Variants in EFCAB14 observed in about 807,000 individuals in gnomAD.
EFCAB14 encodes the protein EF-hand calcium-binding domain-containing protein 14.
A neutral mutation model predicts 56.5 loss-of-function variants in EFCAB14; 43 were observed. That is an observed-to-expected ratio of 0.76 (90% confidence interval 0.60 to 0.98). The LOEUF is 0.98. EFCAB14 is among the 50% of genes least tolerant of loss of function. EFCAB14 has a pLI of 0.00. For synonymous variants in EFCAB14, 235 were observed against 212.9 expected (o/e 1.10, Z -0.90); for missense variants, 538 against 580.3 (o/e 0.93, Z 0.75).
chr1:46,687,171 G>A (rs1221789784), intron 7 of EFCAB14, among the ~76,000 whole-genome samples: 1 of 152,132 alleles, frequency 6.6e-6, no homozygotes, highest in Non-Finnish European at 1.5e-5. Flanking sequence ...AGAAACAGTA[G>A]GACAGATGGA....
Position 46,688,525 on chromosome 1 carries a change from T to A in EFCAB14, c.815A>T (p.Asn272Ile). ...GGCACTGTTTACCTCCTCTAAAGAG[T>A]TGTGAAGGTACAGGATATCCTAGAG... ...NLKQDILYLH[N>I]SLEEVNSALV... is the part of the protein sequence containing the mutation. Residue 272 changes from asparagine (N) to isoleucine (I), a missense_variant, in exon 7 of 11, where the codon AAC (asparagine) becomes ATC (isoleucine). Physicochemically the swap from Asn to Ile is moderately radical, Grantham distance 149. Transcript: ENST00000371933. 1 of 1,613,238 alleles carries A rather than the reference T, an allele frequency of 6.2e-7. No individual in the cohort carries two copies. The highest frequency in any genetic ancestry group is 8.5e-7 in the Non-Finnish European group (1 of 1,179,584).
intron 3 of EFCAB14, among the ~76,000 whole-genome samples, chr1:46,700,437 T>C (rs771633153): frequency 6.6e-6 from 1 of 152,226 alleles, no homozygotes; most frequent in African/African-American, 2.4e-5. Context: ...TCCACAGAGA[T>C]ACTCTCAGCA....
intron 7 of EFCAB14, 39 bp from the exon 8 acceptor site, chr1:46,686,909 A>G: frequency 6.3e-7 from 1 of 1,592,232 alleles, no homozygotes; most frequent in Non-Finnish European, 8.6e-7. Context: ...CAAAGGGAAG[A>G]TTAAAGGCAA....
At chr1:46,711,546 T>C (rs1677308196) in intron 2 of EFCAB14, among the ~76,000 whole-genome samples, 1 of 151,476 alleles carries the variant, frequency 6.6e-6, no homozygotes. Flanking sequence ...TTGGAGCTTT[T>C]TAGGAGAGAC....
At chr1:46,698,367 A>G (rs1410240704) in intron 3 of EFCAB14, among the ~76,000 whole-genome samples, 1 of 152,196 alleles carries the variant, frequency 6.6e-6, no homozygotes, top group Non-Finnish European at 1.5e-5. Context: ...CCACTGGTGA[A>G]CAACACAGAT....
chr1:46,685,160 A>G (rs1243339395), intron 8 of EFCAB14: 1 of 152,324 alleles, frequency 6.6e-6, no homozygotes, highest in Non-Finnish European at 1.5e-5. Context: ...TAAGACATAA[A>G]GAAGGAGCTG....
chr1:46,693,419 A>C (rs1458004938), intron 4 of EFCAB14, among the ~76,000 whole-genome samples: 1 of 152,220 alleles, frequency 6.6e-6, no homozygotes, highest in East Asian at 1.9e-4. Context: ...ATTTGGCATG[A>C]CCTACCACTT....
intron 2 of EFCAB14, among the ~76,000 whole-genome samples, chr1:46,708,548 A>G (rs1677264848): frequency 6.6e-6 from 1 of 152,238 alleles, no homozygotes; most frequent in African/African-American, 2.4e-5. Flanking sequence ...CTACTCCATT[A>G]ATGCCCAAGG....
At chr1:46,717,045 A>G (rs943363758) in intron 1 of EFCAB14, among the ~76,000 whole-genome samples, 3 of 152,252 alleles carry the variant, frequency 2.0e-5, no homozygotes, top group African/African-American at 7.2e-5. Flanking sequence ...TAGTAGGGTT[A>G]CTACTCCAGG....
chr1:46,689,871 T>C (rs1221310950), intron 5 of EFCAB14, among the ~76,000 whole-genome samples, 180 bp from the exon 6 acceptor site: 14 of 152,192 alleles, frequency 9.2e-5, no homozygotes, highest in Admixed American at 8.5e-4. Context: ...AGAACCCAGC[T>C]TGAGCATGCA....
At chr1:46,700,013 T>C (rs1677132378) in intron 3 of EFCAB14, among the ~76,000 whole-genome samples, 1 of 152,116 alleles carries the variant, frequency 6.6e-6, no homozygotes, top group Admixed American at 6.6e-5. Flanking sequence ...GCCATGTGAG[T>C]GAGGAACCTC....
intron 4 of EFCAB14, among the ~76,000 whole-genome samples, chr1:46,695,690 T>C (rs1049784435): frequency 1.3e-5 from 2 of 152,148 alleles, no homozygotes; most frequent in African/African-American, 4.8e-5. Flanking sequence ...TTCCTACCCC[T>C]ATCCACTCTT....
chr1:46,710,952 A>C (rs983927602), intron 2 of EFCAB14, among the ~76,000 whole-genome samples: 5 of 152,208 alleles, frequency 3.3e-5, no homozygotes, highest in African/African-American at 1.2e-4. Context: ...AGTTCCATCC[A>C]TATTGCTGAG....
chr1:46,695,364 C>T (rs938027374), intron 4 of EFCAB14, among the ~76,000 whole-genome samples: 1 of 147,854 alleles, frequency 6.8e-6, no homozygotes, highest in African/African-American at 2.6e-5. Flanking sequence ...TGTCCCTACC[C>T]CTTTTTTTTC....
chr1:46,718,865 G>T lies in EFCAB14; in HGVS notation c.-778C>A, dbSNP rs914279208. 2 of 152,402 alleles carry T rather than the reference G, an allele frequency of 1.3e-5. No individual in the cohort carries two copies. The highest frequency in any genetic ancestry group is 4.8e-5 in the African/African-American group (2 of 41,462). 9.4% of individuals were successfully genotyped at this position (152,402 alleles called of 1,614,324 possible). On this transcript the variant is annotated 5_prime_UTR_variant, in exon 1 of 11. Transcript: ENST00000371933. ...CCCGCCCCGCTGTCTGGGCCTTGGG[G>T]ACACGGTGCCGCGGGCGACGGCGGC...
intron 6 of EFCAB14, 38 bp from the exon 7 acceptor site, chr1:46,688,582 A>C: frequency 6.3e-7 from 1 of 1,583,830 alleles, no homozygotes; most frequent in Middle Eastern, 1.8e-4. Flanking sequence ...AATCCACTAA[A>C]GACGTAAATT....
chr1:46,696,758 G>T, intron 3 of EFCAB14, 109 bp from the exon 4 acceptor site: 1 of 995,348 alleles, frequency 1.0e-6, no homozygotes, highest in Non-Finnish European at 1.5e-6. Context: ...AGGATTTTAT[G>T]TGTTTCTGCA....
chr1:46,692,328 A>G (rs1677005596), intron 4 of EFCAB14, among the ~76,000 whole-genome samples: 1 of 152,248 alleles, frequency 6.6e-6, no homozygotes, highest in Non-Finnish European at 1.5e-5. Flanking sequence ...GTGTGGCTCT[A>G]TCACAGTTTA....
intron 10 of EFCAB14, among the ~76,000 whole-genome samples, chr1:46,681,921 G>A (rs568925121): frequency 1.3e-5 from 2 of 151,420 alleles, no homozygotes; most frequent in South Asian, 2.1e-4. Flanking sequence ...GGAAGCTTGT[G>A]TTCCCATTAA....
Sources: allele counts gnomAD v4.1 joint callset (sites outside exome capture counted in the v4.1 genomes callset), GRCh38; gene constraint gnomAD v4.1.1; transcripts MANE v1.5; gene names NCBI Gene and HGNC (gene_info 2026-07-23, HGNC 2026-07-21).